Variants in EYA2 observed in about 807,000 individuals in gnomAD.
The protein encoded by EYA2 is protein phosphatase EYA2.
A neutral mutation model predicts 69.2 loss-of-function variants in EYA2; 31 were observed. That is an observed-to-expected ratio of 0.45 (90% CI 0.34 to 0.60). EYA2 has a LOEUF of 0.60. Among genes scored for constraint, EYA2 ranks in the 20% least tolerant of loss-of-function variants. The probability of loss-of-function intolerance (pLI) is 0.02; values close to 1 mark genes in which losing one functional copy is unlikely to be tolerated. For synonymous variants in EYA2, 257 were observed against 279.4 expected, an observed-to-expected ratio of 0.92 and a Z score of 0.80; for missense variants, 622 against 701.2, an observed-to-expected ratio of 0.89 and a Z score of 1.28.
chr20:47,031,328 G>T (rs6063062), intron 5 of EYA2, among the ~76,000 whole-genome samples: 1 of 151,988 alleles, frequency 6.6e-6, no homozygotes, highest in Non-Finnish European at 1.5e-5. Flanking sequence ...CTCAGGCACC[G>T]GGAAGCCATG....
chr20:46,954,769 C>T (rs3092737), intron 1 of EYA2, among the ~76,000 whole-genome samples: 145,186 of 152,276 alleles, frequency 0.95, 69,599 homozygotes, highest in Middle Eastern at 0.99. Flanking sequence ...TTCATGTCAA[C>T]CCTGAGCTGC....
chr20:46,944,979 G>T (rs1206749), intron 1 of EYA2, among the ~76,000 whole-genome samples: 1 of 151,922 alleles, frequency 6.6e-6, no homozygotes, highest in Non-Finnish European at 1.5e-5. Context: ...TGGTGCCTGC[G>T]TGTAGTCCTA....
At chr20:47,075,034 C>A (rs2031463405) in intron 7 of EYA2, among the ~76,000 whole-genome samples, 1 of 152,224 alleles carries the variant, frequency 6.6e-6, no homozygotes, top group African/African-American at 2.4e-5. Flanking sequence ...TCGCTTGAAC[C>A]TGGGAGGCGG....
intron 9 of EYA2, among the ~76,000 whole-genome samples, chr20:47,125,074 GAC>G (rs1381591798): frequency 8.9e-6 from 1 of 111,838 alleles, no homozygotes; most frequent in African/African-American, 3.3e-5. Flanking sequence ...TTTTTTTTGA[GAC>G]AGAGTCTTGC....
chr20:46,951,953 TAAC>T (rs1978830293), intron 1 of EYA2, among the ~76,000 whole-genome samples: 1 of 152,226 alleles, frequency 6.6e-6, no homozygotes, highest in South Asian at 2.1e-4. Flanking sequence ...TCCTCTCTCT[TAAC>T]AAATATTTAT....
intron 10 of EYA2, among the ~76,000 whole-genome samples, chr20:47,160,202 G>A (rs1361958627): frequency 6.6e-6 from 1 of 152,132 alleles, no homozygotes; most frequent in Non-Finnish European, 1.5e-5. Flanking sequence ...AGCAGGAAGA[G>A]TGAGGAGGTG....
chr20:47,027,626 G>T (rs887484692), intron 5 of EYA2, among the ~76,000 whole-genome samples: 2 of 152,180 alleles, frequency 1.3e-5, no homozygotes, highest in African/African-American at 4.8e-5. Context: ...AGCCACTGGA[G>T]GTAACAGGCG....
intron 9 of EYA2, among the ~76,000 whole-genome samples, chr20:47,115,701 G>A (rs551984094): frequency 1.3e-5 from 2 of 152,206 alleles, no homozygotes; most frequent in East Asian, 1.9e-4. Flanking sequence ...ACCACCCTCA[G>A]CCTATTGGGC....
At chr20:47,160,375 G>A (rs146991849) in intron 10 of EYA2, among the ~76,000 whole-genome samples, 3 of 152,218 alleles carry the variant, frequency 2.0e-5, no homozygotes, top group African/African-American at 7.2e-5. Flanking sequence ...ACATAGATGT[G>A]TTCTAATAAA....
At chr20:47,122,018 A>G (rs925595915) in intron 9 of EYA2, among the ~76,000 whole-genome samples, 1 of 152,190 alleles carries the variant, frequency 6.6e-6, no homozygotes, top group African/African-American at 2.4e-5. Context: ...ATTTGTTGCC[A>G]GCATTTAAAA....
Position 46,990,052 on chromosome 20 carries a change from C to T in EYA2, c.42C>T (p.Ser14=), listed in dbSNP as rs758837049. The change falls in exon 2 of 16, where the codon AGC becomes AGT. Residue 14 remains serine (S), a synonymous_variant. Transcript: ENST00000327619. ...LVISPSLTVN[S]DCLDKLKFNR... ...TCTCACCCAGCCTCACTGTAAACAG[C>T]GATTGTCTGGATAAACTGAAGTTTA... 22 of 1,612,004 alleles carry T rather than the reference C, an allele frequency of 1.4e-5. No individual in the cohort carries two copies. Among genetic ancestry groups the T allele is most frequent in the Non-Finnish European group, 1.7e-5 (20 of 1,178,156 alleles).
In EYA2 at chr20:47,135,845, ACAAACAAAC is replaced by A. The variant is rs1568800699; in HGVS notation, c.889-7213_889-7205del. On this transcript the variant is annotated intron_variant, in intron 9 of 15. Transcript: ENST00000327619. ...AAAAAAAAAAAAAAAAAAAAAACAA[ACAAACAAAC>A]AAAAAACTAATTAATTAATTAATTA... 9.4e-3 allele frequency among the ~76,000 whole-genome samples: 736 copies of A among 78,452 alleles called. 86 individuals are homozygous for A. The highest frequency in any genetic ancestry group is 0.066 in the African/African-American group (699 of 10,654). 51.5% of individuals were successfully genotyped at this position (78,452 alleles called of 152,430 possible).
chr20:47,134,461 C>A (rs1228775433), intron 9 of EYA2, among the ~76,000 whole-genome samples: 1 of 152,188 alleles, frequency 6.6e-6, no homozygotes, highest in East Asian at 1.9e-4. Flanking sequence ...TTTATTCAGA[C>A]CTTGCTATGT....
chr20:47,174,047 G>A (rs2034381465), intron 12 of EYA2, among the ~76,000 whole-genome samples: 1 of 152,236 alleles, frequency 6.6e-6, no homozygotes, highest in Non-Finnish European at 1.5e-5. Context: ...CTCTAGAACA[G>A]AGGTTTTTAA....
At chr20:47,033,095 G>A (rs952331848) in intron 5 of EYA2, among the ~76,000 whole-genome samples, 2 of 152,314 alleles carry the variant, frequency 1.3e-5, no homozygotes, top group South Asian at 4.1e-4. Flanking sequence ...CAACCCCCAA[G>A]ACCATAGCTC....
At chr20:47,166,865 A>C (rs957123323) in intron 10 of EYA2, 1 of 152,524 alleles carries the variant, frequency 6.6e-6, no homozygotes, top group African/African-American at 2.4e-5. Flanking sequence ...GGTTGGATCC[A>C]GGATCCAGGC....
chr20:46,908,217 C>T (rs569333774), intron 1 of EYA2, among the ~76,000 whole-genome samples: 175 of 152,246 alleles, frequency 1.1e-3, no homozygotes, highest in Non-Finnish European at 2.1e-3. Context: ...CTTGTGGAGC[C>T]ACAGTTAAGT....
chr20:47,006,420 G>A (rs61401966), intron 4 of EYA2, among the ~76,000 whole-genome samples: 2,921 of 152,330 alleles, frequency 0.019, 86 homozygotes, highest in African/African-American at 0.065. Context: ...TGGAAAGGAC[G>A]TAGCGTTGGT....
At chr20:47,169,821 C>T (rs1474558776) in intron 11 of EYA2, among the ~76,000 whole-genome samples, 1 of 152,152 alleles carries the variant, frequency 6.6e-6, no homozygotes, top group Non-Finnish European at 1.5e-5. Context: ...GTTTCACGTG[C>T]TTCTCCTCCT....
Sources: gnomAD v4.1 joint callset for allele counts (sites outside exome capture counted in the v4.1 genomes callset) on GRCh38, gnomAD v4.1.1 for gene constraint, MANE v1.5 for transcripts, NCBI Gene and HGNC (gene_info 2026-07-23, HGNC 2026-07-21) for gene names.